RASAL2: variants seen among roughly 807,000 people sequenced by gnomAD.
RASAL2 encodes the protein RAS protein activator like 2, also known as ras GTPase-activating protein nGAP.
In RASAL2, 58 loss-of-function variants were observed where a neutral mutation model predicts 128.9. The ratio of observed to expected loss-of-function variants is 0.45; its 90% CI spans 0.36 to 0.56. The LOEUF (loss-of-function observed/expected upper bound fraction) is 0.56. Ranked by LOEUF, RASAL2 falls within the 20% of genes least tolerant of loss-of-function variation. The pLI, the probability that RASAL2 is intolerant of heterozygous loss-of-function variation, is 0.00. For synonymous variants in RASAL2, 561 were observed against 580.8 expected, an observed-to-expected ratio of 0.97 and a Z score of 0.49; for missense variants, 1,360 against 1,601.6, an observed-to-expected ratio of 0.85 and a Z score of 2.57.
At chr1:178,249,452 C>CA (rs935522590) in intron 1 of RASAL2, among the ~76,000 whole-genome samples, 3 of 151,998 alleles carry the variant, frequency 2.0e-5, no homozygotes, top group African/African-American at 7.2e-5. Context: ...AACCTTTTGT[C>CA]AAGGTTCTTA....
chr1:178,360,915 C>T (rs1440055965), intron 3 of RASAL2, among the ~76,000 whole-genome samples: 1 of 152,104 alleles, frequency 6.6e-6, no homozygotes, highest in African/African-American at 2.4e-5. Flanking sequence ...GTGTACTTCA[C>T]TAATATTTGC....
At chr1:178,242,459 C>G (rs866771608) in intron 1 of RASAL2, among the ~76,000 whole-genome samples, 1 of 114,268 alleles carries the variant, frequency 8.8e-6, no homozygotes, top group Non-Finnish European at 1.8e-5. Flanking sequence ...CTCTCTCTCT[C>G]TCTCTCTCTC....
chr1:178,314,242 T>C (rs1668393893), intron 3 of RASAL2, among the ~76,000 whole-genome samples: 1 of 152,232 alleles, frequency 6.6e-6, no homozygotes, highest in Non-Finnish European at 1.5e-5. Context: ...AGGTTAGGAA[T>C]ATTTTTACTG....
intron 1 of RASAL2, among the ~76,000 whole-genome samples, chr1:178,179,054 A>G (rs568410150): frequency 6.6e-6 from 1 of 152,208 alleles, no homozygotes; most frequent in Non-Finnish European, 1.5e-5. Flanking sequence ...TCCTTACAAC[A>G]TATTTGCAGG....
At chr1:178,367,548 G>A (rs556983861) in intron 3 of RASAL2, among the ~76,000 whole-genome samples, 1 of 152,098 alleles carries the variant, frequency 6.6e-6, no homozygotes, top group East Asian at 1.9e-4. Context: ...AACTGTATGT[G>A]GGGGTCTAAA....
At chr1:178,353,786 A>C (rs1380723641) in intron 3 of RASAL2, among the ~76,000 whole-genome samples, 2 of 152,154 alleles carry the variant, frequency 1.3e-5, no homozygotes, top group Non-Finnish European at 2.9e-5. Context: ...ATCCCATCAT[A>C]TTACAGATTC....
At chr1:178,375,713 CATATT>C (rs1289524825) in intron 3 of RASAL2, among the ~76,000 whole-genome samples, 3 of 152,000 alleles carry the variant, frequency 2.0e-5, no homozygotes, top group African/African-American at 4.8e-5. Context: ...GAATTGGTGA[CATATT>C]AGAGGAATGG....
chr1:178,343,058 C>G (rs1669967457), intron 3 of RASAL2, among the ~76,000 whole-genome samples: 1 of 152,156 alleles, frequency 6.6e-6, no homozygotes, highest in Non-Finnish European at 1.5e-5. Flanking sequence ...GTAAAGATAG[C>G]CACTGTCAAC....
intron 1 of RASAL2, among the ~76,000 whole-genome samples, chr1:178,149,472 T>G (rs1232145125): frequency 6.6e-6 from 1 of 152,006 alleles, no homozygotes; most frequent in African/African-American, 2.4e-5. Context: ...ACCTCTTTAA[T>G]CATTGTATTC....
At chr1:178,231,543 A>G (rs1664008191) in intron 1 of RASAL2, among the ~76,000 whole-genome samples, 2 of 152,146 alleles carry the variant, frequency 1.3e-5, no homozygotes, top group African/African-American at 4.8e-5. Context: ...AATTTATGAA[A>G]TCATACTTAT....
chr1:178,110,514 A>G (rs1457763696), intron 1 of RASAL2, among the ~76,000 whole-genome samples: 1 of 145,782 alleles, frequency 6.9e-6, no homozygotes, highest in Admixed American at 6.9e-5. Flanking sequence ...TATAGCATAT[A>G]TAGTGTATAT....
intron 1 of RASAL2, among the ~76,000 whole-genome samples, chr1:178,260,416 G>C (rs1386251944): frequency 1.3e-5 from 1 of 78,672 alleles, no homozygotes; most frequent in African/African-American, 4.7e-5. Flanking sequence ...ATATATATAT[G>C]ATAATAATTT....
At chr1:178,243,540 A>G (rs1307697707) in intron 1 of RASAL2, among the ~76,000 whole-genome samples, 1 of 146,106 alleles carries the variant, frequency 6.8e-6, no homozygotes, top group East Asian at 2.0e-4. Flanking sequence ...CTGGCTGCTT[A>G]TTGTCTGTTG....
At chr1:178,342,205 G>T (rs1299966796) in intron 3 of RASAL2, among the ~76,000 whole-genome samples, 1 of 152,108 alleles carries the variant, frequency 6.6e-6, no homozygotes, top group African/African-American at 2.4e-5. Context: ...TTGACTTATT[G>T]AAAGTTAAAT....
rs554067613 is a variant in RASAL2, at chr1:178,208,288, A to G, written c.203-75276A>G. On this transcript the variant is annotated intron_variant, in intron 1 of 17. Coordinates refer to ENST00000367649, the MANE Select transcript of RASAL2 (RefSeq NM_170692.4). ...CAGAGAGCCTATAAATGGATGTGCG[A>G]GTAGGAGAGACATCGCTAAATTCTT... is the stretch of plus-strand genomic sequence containing the variant. Among the ~76,000 whole-genome samples, 42 of 152,172 alleles carry G rather than the reference A, an allele frequency of 2.8e-4. 1 individual carries two copies. Among genetic ancestry groups the G allele is most frequent in the Non-Finnish European group, 1.2e-4 (8 of 68,024 alleles).
At chr1:178,113,511 AGTGTGTGTGTGT>A (rs61642582) in intron 1 of RASAL2, among the ~76,000 whole-genome samples, 4,467 of 122,240 alleles carry the variant, frequency 0.037, 132 homozygotes, top group African/African-American at 0.072. Context: ...CATGCCTGCG[AGTGTGTGTGTGT>A]GTGTGTGTGT....
chr1:178,155,409 GTTT>G (rs34963730), intron 1 of RASAL2, among the ~76,000 whole-genome samples: 1 of 128,630 alleles, frequency 7.8e-6, no homozygotes, highest in South Asian at 2.5e-4. Flanking sequence ...TTTTTAGAAA[GTTT>G]TTTTTTTTAC....
intron 3 of RASAL2, among the ~76,000 whole-genome samples, chr1:178,380,896 G>A (rs1672246858): frequency 6.6e-6 from 1 of 152,036 alleles, no homozygotes; most frequent in African/African-American, 2.4e-5. Context: ...AAACTAAAAC[G>A]CATATAATCA....
chr1:178,447,440 G>A (rs556195243), intron 9 of RASAL2, among the ~76,000 whole-genome samples: 1 of 151,836 alleles, frequency 6.6e-6, no homozygotes, highest in East Asian at 1.9e-4. Flanking sequence ...TTAGGAGGCC[G>A]AGGCAGGCCC....
Sources: gnomAD v4.1 joint callset for allele counts (sites outside exome capture counted in the v4.1 genomes callset) on GRCh38, gnomAD v4.1.1 for gene constraint, MANE v1.5 for transcripts, NCBI Gene and HGNC (gene_info 2026-07-23, HGNC 2026-07-21) for gene names.